ANKFN1: variants seen among roughly 807,000 people sequenced by gnomAD.
The protein encoded by ANKFN1 is ankyrin repeat and fibronectin type-III domain-containing protein 1.
ANKFN1 carries 74 observed loss-of-function variants against 108.7 expected under a neutral mutation model. The observed-to-expected ratio is 0.68, with a 90% CI of 0.56 to 0.83. ANKFN1 has a LOEUF of 0.83. Ranked by LOEUF, ANKFN1 falls within the 40% of genes least tolerant of loss-of-function variation. The pLI is 0.00. For missense variants in ANKFN1, 1,505 were observed against 1,382.3 expected, an observed-to-expected ratio of 1.09 and a Z score of -1.41; for synonymous variants, 547 against 516.2, an observed-to-expected ratio of 1.06 and a Z score of -0.81.
chr17:56,271,613 C>A (rs903772481), intron 3 of ANKFN1, among the ~76,000 whole-genome samples: 5 of 152,116 alleles, frequency 3.3e-5, no homozygotes, highest in Admixed American at 2.6e-4. Context: ...AAGTATTTGG[C>A]CATTGAGTCA....
Position 56,136,571 on chromosome 17 carries a change from T to C in ANKFN1, c.288+90246T>C, listed in dbSNP as rs183236733. 3.9e-3 allele frequency among the ~76,000 whole-genome samples: 600 copies of C among 152,284 alleles called. 2 individuals carry two copies. The highest frequency in any genetic ancestry group is 6.3e-3 in the Non-Finnish European group (430 of 68,020). ...GAGAGGAAAAAAAGACCAAATATAT[T>C]GCAAAACAGAATTATATGAAAGATG... On this transcript the variant is annotated intron_variant, in intron 4 of 12. Coordinates refer to the ANKFN1 transcript ENST00000635860.
intron 8 of ANKFN1, among the ~76,000 whole-genome samples, chr17:56,418,337 T>C (rs1288382430): frequency 6.6e-6 from 1 of 152,226 alleles, no homozygotes. Context: ...CATTGCCTGA[T>C]ATAATTCTGG....
rs148948930 is a variant in ANKFN1 at position 56,490,053 on chromosome 17, T to C, written c.2261-2134T>C. On this transcript the variant is annotated intron_variant, in intron 18 of 20. Coordinates refer to ENST00000682825, the MANE Select transcript of ANKFN1 (RefSeq NM_001370326.1). ...TCTTCAGATCCATTCATGCATTTAT[T>C]TATTTATTCATTTGGTCAATAAACC... Among the ~76,000 whole-genome samples the C allele has an allele frequency of 3.3e-3, 506 of 152,302 alleles. 5 individuals are homozygous for C. Among genetic ancestry groups the C allele is most frequent in the Non-Finnish European group, 3.7e-3 (249 of 68,034 alleles).
At chr17:56,324,448 C>G (rs1347428649) in intron 3 of ANKFN1, among the ~76,000 whole-genome samples, 1 of 152,152 alleles carries the variant, frequency 6.6e-6, no homozygotes, top group Non-Finnish European at 1.5e-5. Flanking sequence ...GTGGCACTCT[C>G]CCCTTAGGTC....
At position 56,095,026 on chromosome 17, in the gene ANKFN1, C is replaced by A. The variant is rs942175866; in HGVS notation, c.288+48701C>A. ...GTGCTCCAAGTCCCAAGTAAACAGC[C>A]TAAAATCTTTATACAATGGCTCACT... On this transcript the variant is annotated intron_variant, in intron 4 of 12. Coordinates refer to the ANKFN1 transcript ENST00000635860. Among the ~76,000 whole-genome samples the A allele has an allele frequency of 1.9e-4, 29 of 150,934 alleles. 2 individuals carry two copies. The highest frequency in any genetic ancestry group is 7.1e-4 in the African/African-American group (29 of 41,108).
At chr17:56,477,373 C>A in intron 15 of ANKFN1, 115 bp from the exon 16 acceptor site, 1 of 1,045,862 alleles carries the variant, frequency 9.6e-7, no homozygotes, top group Non-Finnish European at 1.3e-6. Context: ...CACCTAATTA[C>A]TTAGTGACAG....
intron 8 of ANKFN1, among the ~76,000 whole-genome samples, chr17:56,400,185 AG>A (rs1465985358): frequency 2.6e-5 from 4 of 152,052 alleles, no homozygotes; most frequent in Non-Finnish European, 1.5e-5. Flanking sequence ...TGGCTGTACT[AG>A]TTTACATTCC....
At chr17:56,109,384 G>A (rs1158183782) in intron 4 of ANKFN1, among the ~76,000 whole-genome samples, 1 of 152,022 alleles carries the variant, frequency 6.6e-6, no homozygotes. Flanking sequence ...TCTTTGTTGT[G>A]AGGGAAGTCC....
At chr17:56,335,032 T>C (rs1291160453) in intron 4 of ANKFN1, among the ~76,000 whole-genome samples, 2 of 152,176 alleles carry the variant, frequency 1.3e-5, no homozygotes, top group Non-Finnish European at 2.9e-5. Flanking sequence ...AATCAGATGG[T>C]CGTACATGTG....
chr17:56,113,178 C>G (rs971213866), intron 4 of ANKFN1, among the ~76,000 whole-genome samples: 5 of 152,146 alleles, frequency 3.3e-5, no homozygotes, highest in African/African-American at 9.7e-5. Flanking sequence ...TTTTGCCAAC[C>G]TGGTGGGTAG....
At chr17:56,172,323 T>A (rs1255998713) in intron 1 of ANKFN1, among the ~76,000 whole-genome samples, 2 of 152,200 alleles carry the variant, frequency 1.3e-5, no homozygotes, top group African/African-American at 4.8e-5. Context: ...TCTACTCCTC[T>A]TTCCCTCAAC....
intron 3 of ANKFN1, among the ~76,000 whole-genome samples, chr17:56,288,487 T>C (rs2044276034): frequency 6.6e-6 from 1 of 152,176 alleles, no homozygotes; most frequent in Admixed American, 6.6e-5. Context: ...CTTATTTAAA[T>C]AATTATTTGT....
intron 15 of ANKFN1, among the ~76,000 whole-genome samples, chr17:56,467,783 GAAAGAAAGA>G (rs2050145430): frequency 4.4e-4 from 10 of 22,866 alleles, no homozygotes; most frequent in African/African-American, 7.4e-4. Context: ...AAGAAAGAAA[GAAAGAAAGA>G]AGAAAGAAAG....
chr17:56,420,584 A>G (rs1410384491), intron 8 of ANKFN1, among the ~76,000 whole-genome samples: 3 of 152,006 alleles, frequency 2.0e-5, no homozygotes, highest in Admixed American at 6.6e-5. Context: ...GGAATTCAGC[A>G]TATATGAGAA....
At chr17:56,346,839 A>G (rs2046116668) in intron 4 of ANKFN1, among the ~76,000 whole-genome samples, 1 of 151,778 alleles carries the variant, frequency 6.6e-6, no homozygotes, top group Admixed American at 6.6e-5. Flanking sequence ...TTATTAGGAA[A>G]AGTAAACTTT....
intron 11 of ANKFN1, among the ~76,000 whole-genome samples, chr17:56,449,651 C>G (rs1395645592): frequency 6.6e-6 from 1 of 152,170 alleles, no homozygotes; most frequent in Admixed American, 6.5e-5. Context: ...CACCCAGTAT[C>G]TCATTTTCAT....
At chr17:56,130,783 G>C (rs1327138065) in intron 4 of ANKFN1, among the ~76,000 whole-genome samples, 1 of 152,110 alleles carries the variant, frequency 6.6e-6, no homozygotes, top group Non-Finnish European at 1.5e-5. Flanking sequence ...TCAGGCAGCT[G>C]GTGTTTTGCC....
intron 3 of ANKFN1, among the ~76,000 whole-genome samples, chr17:56,247,987 A>C (rs2043155291): frequency 6.6e-6 from 1 of 152,208 alleles, no homozygotes; most frequent in African/African-American, 2.4e-5. Flanking sequence ...TTGTCTAAAC[A>C]ACATTTGAAT....
chr17:56,103,582 T>C (rs919599), intron 4 of ANKFN1, among the ~76,000 whole-genome samples: 81,755 of 151,788 alleles, frequency 0.54, 22,305 homozygotes, highest in East Asian at 0.81. Context: ...GAGGTAAAAG[T>C]GATTTCTTTT....
Sources: allele counts gnomAD v4.1 joint callset (sites outside exome capture counted in the v4.1 genomes callset), GRCh38; gene constraint gnomAD v4.1.1; transcripts MANE v1.5; gene names NCBI Gene and HGNC (gene_info 2026-07-23, HGNC 2026-07-21).